KAT2A: variants seen among roughly 807,000 people sequenced by gnomAD.
The protein encoded by KAT2A is lysine acetyltransferase 2A.
Under a neutral mutation model 95.2 loss-of-function variants are expected in KAT2A, and 42 were observed. That is an observed-to-expected ratio of 0.44 (90% CI 0.34 to 0.57). KAT2A has a LOEUF of 0.57. Among genes scored for constraint, KAT2A ranks in the 20% least tolerant of loss-of-function variants. The pLI is 0.01. For synonymous variants in KAT2A, 449 were observed against 448.2 expected (o/e 1.00, Z -0.02); for missense variants, 784 against 1,126.3 (o/e 0.70, Z 4.35).
chr17:42,119,264 T>C lies in KAT2A; in HGVS notation c.1054A>G (p.Ile352Val). The C allele has an allele frequency of 6.2e-7, 1 of 1,611,606 alleles. No homozygotes were observed. The highest frequency in any genetic ancestry group is 8.5e-7 in the Non-Finnish European group (1 of 1,178,204). Reference sequence around the variant, plus strand: ...CCTTACTTGGGGAAGTGAGTGAGGATGAGGGTCCTCTTCTCGGGCACCAAT... The same window carrying C: ...CCTTACTTGGGGAAGTGAGTGAGGACGAGGGTCCTCTTCTCGGGCACCAAT... Reference protein sequence around the residue: ...DKLVPEKRTLILTHFPKFLSM... With the variant: ...DKLVPEKRTLVLTHFPKFLSM... The change falls in exon 6 of 18, where the codon ATC becomes GTC. Residue 352 changes from isoleucine (I) to valine (V), a missense_variant. By Grantham distance (29) the Ile-to-Val change is conservative (BLOSUM62 3). This residue lies in a region of KAT2A where 2 missense variants were observed against 21.4 expected (regional missense o/e 0.09). Transcript: ENST00000225916. The surrounding 1 kb of genome is among the most constrained non-coding windows in gnomAD (Gnocchi z 5.3).
At position 42,113,995 on chromosome 17, in the gene KAT2A, C is replaced by A; in HGVS notation, c.2320+5G>T. On this transcript the variant is annotated splice_donor_5th_base_variant and intron_variant, in intron 17 of 17. Coordinates refer to ENST00000225916, the MANE Select transcript of KAT2A (RefSeq NM_021078.3). Reference sequence around the variant, plus strand: ...AGGGAAGGGGATGGAATGGAAGGTCCTCACCAATGGGGAAGCGGATGACCT... The same window carrying A: ...AGGGAAGGGGATGGAATGGAAGGTCATCACCAATGGGGAAGCGGATGACCT... 1 of 1,512,220 alleles carries A rather than the reference C, an allele frequency of 6.6e-7. No homozygotes were observed. The highest frequency in any genetic ancestry group is 1.3e-5 in the South Asian group (1 of 78,212). The allele number at this position is 1,512,220 out of a possible 1,614,324, so 93.7% of individuals were successfully genotyped here. A position where few individuals can be genotyped will look rare whatever the true frequency, so the allele number is the denominator to read the frequency against.
Position 42,115,706 on chromosome 17 carries a change from A to G in KAT2A, c.1875+17T>C. The G allele has an allele frequency of 6.6e-7, 1 of 1,512,102 alleles. No homozygotes were observed. The highest frequency in any genetic ancestry group is 9.2e-7 in the Non-Finnish European group (1 of 1,087,068). 93.7% of individuals were successfully genotyped at this position (1,512,102 alleles called of 1,614,324 possible). A position where few individuals can be genotyped will look rare whatever the true frequency, so the allele number is the denominator to read the frequency against. On this transcript the variant is annotated intron_variant, in intron 12 of 17. Coordinates refer to ENST00000225916, the MANE Select transcript of KAT2A (RefSeq NM_021078.3). ...CCTCCAGGCAAAGGACCGGTGTGGG[A>G]CGAGGCTACGGGTCACCTGCTTTTT... is the stretch of plus-strand genomic sequence containing the variant.
At chr17:42,118,196 T>A (rs2144038813) in intron 7 of KAT2A, 101 bp downstream of exon 7, 1 of 979,748 alleles carries the variant, frequency 1.0e-6, no homozygotes, top group Non-Finnish European at 1.6e-6. Flanking sequence ...GGTCCCTCAG[T>A]GGGATCCAGG....
intron 12 of KAT2A, 88 bp from the exon 13 acceptor site, chr17:42,115,123 A>G: frequency 2.9e-6 from 4 of 1,379,294 alleles, no homozygotes; most frequent in Non-Finnish European, 4.0e-6. Flanking sequence ...GAGGAGTAGC[A>G]CGTGCCACTT....
At position 42,121,358 on chromosome 17, in the gene KAT2A, G is replaced by A; in HGVS notation, c.-54C>T. On this transcript the variant is annotated 5_prime_UTR_variant, in exon 1 of 18. Transcript: ENST00000225916. ...GCGCTCCCAGCCCTAGGGCCGCATGGGCAACCAGCGCTCAGTGCGCAGGCG... is the reference window on the plus strand; with the variant it reads ...GCGCTCCCAGCCCTAGGGCCGCATGAGCAACCAGCGCTCAGTGCGCAGGCG... 1 of 1,348,086 alleles carries A rather than the reference G, an allele frequency of 7.4e-7. No homozygotes were observed. The highest frequency in any genetic ancestry group is 1.5e-5 in the African/African-American group (1 of 65,344). The allele number at this position is 1,348,086 out of a possible 1,614,324, so 83.5% of individuals were successfully genotyped here.
chr17:42,120,609 T>A lies in KAT2A; in HGVS notation c.463+97A>T. 3 of 1,367,364 alleles carry A rather than the reference T, an allele frequency of 2.2e-6. 1 individual carries two copies. The South Asian group carries it at 3.5e-5, about 16-fold the overall frequency. The allele number at this position is 1,367,364 out of a possible 1,614,324, so 84.7% of individuals were successfully genotyped here. ...AACCCAATCCCTCCTTCGAGGCATC[T>A]TTGATTTTTTCAGAGATGAAGCTTT... On this transcript the variant is annotated intron_variant, in intron 2 of 17. Transcript: ENST00000225916.
In KAT2A at chr17:42,121,328, G is replaced by A. The variant is rs1555667388; in HGVS notation, c.-24C>T. On this transcript the variant is annotated 5_prime_UTR_variant, in exon 1 of 18. Transcript: ENST00000225916. ...ATGGCCTCCCCCGCAGCGGAGAGCGGCGCCGCGCTCCCAGCCCTAGGGCCG... is the reference window on the plus strand; with the variant it reads ...ATGGCCTCCCCCGCAGCGGAGAGCGACGCCGCGCTCCCAGCCCTAGGGCCG... 4.4e-6 allele frequency: 6 copies of A among 1,364,800 alleles called. No homozygotes were observed. The highest frequency in any genetic ancestry group is 5.6e-6 in the Non-Finnish European group (6 of 1,066,482). The allele number at this position is 1,364,800 out of a possible 1,614,324, so 84.5% of individuals were successfully genotyped here.
At chr17:42,118,918 AGC>A (rs746058460) in intron 6 of KAT2A, 602 of 726,482 alleles carry the variant, frequency 8.3e-4, no homozygotes, top group Non-Finnish European at 1.0e-3. Context: ...TTTCACTTCA[AGC>A]TTAAGGTCTG....
Position 42,121,065 on chromosome 17 carries a change from G to C in KAT2A, c.240C>G (p.Gly80=). ...GACTGGCGCGCTGCTGCTGGCTCAG[G>C]CCAGGTCGAGCCGGATCCCCCCCGC... The part of the protein sequence containing the change: ...AGSGGDPARP[G]LSQQQRASQR... Residue 80 remains glycine (G), a synonymous_variant, in exon 1 of 18, where the codon GGC becomes GGG. Coordinates refer to ENST00000225916, the MANE Select transcript of KAT2A (RefSeq NM_021078.3). The C allele has an allele frequency of 6.4e-7, 1 of 1,573,506 alleles. No homozygotes were observed. The highest frequency in any genetic ancestry group is 1.2e-5 in the South Asian group (1 of 86,292).
chr17:42,114,328 C>A lies in KAT2A; in HGVS notation c.2171+30G>T. 2.5e-6 allele frequency: 4 copies of A among 1,613,888 alleles called. No individual in the cohort carries two copies. The highest frequency in any genetic ancestry group is 2.5e-6 in the Non-Finnish European group (3 of 1,179,842). On this transcript the variant is annotated intron_variant, in intron 15 of 17. Coordinates refer to ENST00000225916, the MANE Select transcript of KAT2A (RefSeq NM_021078.3). The surrounding 1 kb of genome is among the most constrained non-coding windows in gnomAD (Gnocchi z 6.0). ...TCTGAGGCTCCAAGTCCCTCTGCCC[C>A]ACCCCCAACCCGGCTCCTTTGACAC...
intron 11 of KAT2A, 123 bp from the exon 12 acceptor site, chr17:42,115,956 C>A (rs2054252870): frequency 1.3e-5 from 9 of 703,356 alleles, no homozygotes; most frequent in Admixed American, 1.2e-4. Flanking sequence ...AGCATCCAGG[C>A]AAAGAGGAAG....
At position 42,114,144 on chromosome 17, in the gene KAT2A, T is replaced by C; in HGVS notation, c.2236-60A>G. ...TGCGCCCACGCCAGCCCGAGACCAC[T>C]ACCCACCCCACACTGCATCAAGAGG... On this transcript the variant is annotated intron_variant, in intron 16 of 17. Transcript: ENST00000225916. The surrounding 1 kb of genome is among the most constrained non-coding windows in gnomAD (Gnocchi z 6.0). 1.3e-6 allele frequency: 2 copies of C among 1,573,700 alleles called. No homozygotes were observed. The highest frequency in any genetic ancestry group is 1.7e-6 in the Non-Finnish European group (2 of 1,161,928).
At chr17:42,113,912 G>A in intron 17 of KAT2A, 70 bp from the exon 18 acceptor site, 11 of 1,475,304 alleles carry the variant, frequency 7.5e-6, no homozygotes, top group Non-Finnish European at 9.0e-6. Context: ...CACCAGGGTG[G>A]GCCCCCTGGG....
Position 42,121,365 on chromosome 17 carries a change from A to C in KAT2A, c.-61T>G, listed in dbSNP as rs1305268733. 13 of 1,346,482 alleles carry C rather than the reference A, an allele frequency of 9.7e-6. No individual in the cohort carries two copies. In the South Asian group the frequency reaches 2.5e-4, roughly 26 times the overall value. 83.4% of individuals were successfully genotyped at this position (1,346,482 alleles called of 1,614,324 possible). On this transcript the variant is annotated 5_prime_UTR_variant, in exon 1 of 18. Transcript: ENST00000225916. ...CAGCCCTAGGGCCGCATGGGCAACC[A>C]GCGCTCAGTGCGCAGGCGTTGCTGC... is the stretch of plus-strand genomic sequence containing the variant.
rs1402847186 is a variant in KAT2A at position 42,121,165 on chromosome 17, G to A, written c.140C>T (p.Ala47Val). The part of the protein sequence containing the change: ...APIPTPTPAP[A>V]PAPAAAPAGS... ...GGCTGGGGCTGCAGCTGGGGCAGGG[G>A]CTGGTGCCGGGGTGGGAGTCGGAAT... Residue 47 changes from alanine to valine, a missense_variant, in exon 1 of 18, where the codon GCC (alanine) becomes GTC (valine). By Grantham distance (64) the Ala-to-Val change is moderately conservative. This residue lies in a region of KAT2A where 142 missense variants were observed against 123.2 expected (regional missense o/e 1.15). Transcript: ENST00000225916. 7 of 1,434,370 alleles carry A rather than the reference G, an allele frequency of 4.9e-6. No individual in the cohort carries two copies. Among genetic ancestry groups the A allele is most frequent in the East Asian group, 2.5e-5 (1 of 39,744 alleles). The allele number at this position is 1,434,370 out of a possible 1,614,324, so 88.9% of individuals were successfully genotyped here. A position where few individuals can be genotyped will look rare whatever the true frequency, so the allele number is the denominator to read the frequency against.
Position 42,120,116 on chromosome 17 carries a change from G to A in KAT2A, c.613C>T (p.Leu205=). The change falls in exon 4 of 18, where the codon CTG becomes TTG. Residue 205 remains leucine, a synonymous_variant. Transcript: ENST00000225916. Reference sequence around the variant, plus strand: ...GTCATCTGCAGGATGCATTTCCGCAGTAGCTAGAGAGAAGAGGAAGGGGGC... The same window carrying A: ...GTCATCTGCAGGATGCATTTCCGCAATAGCTAGAGAGAAGAGGAAGGGGGC... ...KQVYFYLFKL[L]RKCILQMTRP... 2 of 1,614,222 alleles carry A rather than the reference G, an allele frequency of 1.2e-6. No individual in the cohort carries two copies. The highest frequency in any genetic ancestry group is 2.2e-5 in the East Asian group (1 of 44,894).
chr17:42,117,579 G>A lies in KAT2A; in HGVS notation c.1446C>T (p.Ala482=). ...MLGPETSLLS[A]NAARDETARL... ...GGGCTGTCTCATCCCGGGCCGCATTGGCCGAAAGCAGGCTCGTCTGGGCAC... is the reference window on the plus strand; with the variant it reads ...GGGCTGTCTCATCCCGGGCCGCATTAGCCGAAAGCAGGCTCGTCTGGGCAC... Residue 482 remains alanine, a synonymous_variant, in exon 10 of 18, where the codon GCC becomes GCT. Transcript: ENST00000225916. This position sits in a 1 kb window ranked among gnomAD's most constrained non-coding sequence, Gnocchi z 8.9. 2.5e-6 allele frequency: 4 copies of A among 1,612,754 alleles called. No homozygotes were observed. Among genetic ancestry groups the A allele is most frequent in the Non-Finnish European group, 3.4e-6 (4 of 1,179,646 alleles).
chr17:42,114,870 G>A lies in KAT2A; in HGVS notation c.2019+22C>T. ...ATGCCCATTCATGAAAAATCCCACA[G>A]ATGCGCATGTGTGCACACCACCTCT... On this transcript the variant is annotated intron_variant, in intron 13 of 17. Transcript: ENST00000225916. This position sits in a 1 kb window ranked among gnomAD's most constrained non-coding sequence, Gnocchi z 6.0. The A allele has an allele frequency of 6.2e-7, 1 of 1,613,194 alleles. No individual in the cohort carries two copies. Among genetic ancestry groups the A allele is most frequent in the Non-Finnish European group, 8.5e-7 (1 of 1,179,380 alleles).
At chr17:42,113,874 A>G (rs782182703) in intron 17 of KAT2A, 32 bp from the exon 18 acceptor site, 12 of 1,538,580 alleles carry the variant, frequency 7.8e-6, no homozygotes, top group Non-Finnish European at 1.0e-5. Context: ...CACAGCTTTA[A>G]GAGGCTGAAG....
Sources: gnomAD v4.1 joint callset for allele counts on GRCh38, gnomAD v4.1.1 for gene constraint, gnomAD v4.1.1 regional missense constraint, Gnocchi (gnomAD v3.1) non-coding constraint, MANE v1.5 for transcripts, NCBI Gene and HGNC (gene_info 2026-07-23, HGNC 2026-07-21) for gene names.